The following ZNF423 variants were observed in gnomAD, a reference collection of about 807,000 sequenced individuals.
The protein encoded by ZNF423 is zinc finger protein 423, also known as Ebf-associated zinc finger protein.
Under a neutral mutation model 95.8 loss-of-function variants are expected in ZNF423, and 12 were observed. The observed-to-expected ratio is 0.13, with a 90% confidence interval of 0.08 to 0.20. The LOEUF is 0.20. Among genes scored for constraint, ZNF423 ranks in the 10% least tolerant of loss-of-function variants. The probability of loss-of-function intolerance (pLI) is 1.00; values close to 1 mark genes in which losing one functional copy is unlikely to be tolerated. For synonymous variants in ZNF423, 749 were observed against 711.9 expected, an observed-to-expected ratio of 1.05 and a Z score of -0.83; for missense variants, 1,316 against 1,737.1, an observed-to-expected ratio of 0.76 and a Z score of 4.31.
At position 49,790,998 on chromosome 16, in the gene ZNF423, A is replaced by G. The variant is rs17211126; in HGVS notation, c.41-1452T>C. ...AGTCCTGCTCTACGTGGTGCTCTACATGGTGCAATCTACCCCCTTGACTAT... is the reference window on the plus strand; with the variant it reads ...AGTCCTGCTCTACGTGGTGCTCTACGTGGTGCAATCTACCCCCTTGACTAT... On this transcript the variant is annotated intron_variant, in intron 1 of 7. Coordinates refer to ENST00000563137, the MANE Select transcript of ZNF423 (RefSeq NM_001379286.1). Among the ~76,000 whole-genome samples, 1,399 of 152,272 alleles carry G rather than the reference A, an allele frequency of 9.2e-3. 7 individuals are homozygous for G. Among genetic ancestry groups the G allele is most frequent in the Non-Finnish European group, 0.015 (1,028 of 68,018 alleles).
chr16:49,537,601 G>A (rs1969098990), intron 5 of ZNF423, among the ~76,000 whole-genome samples: 1 of 152,192 alleles, frequency 6.6e-6, no homozygotes. Flanking sequence ...TCTTTCTTCA[G>A]TTCGGCTGAA....
At chr16:49,782,694 C>A (rs1358411213) in intron 2 of ZNF423, among the ~76,000 whole-genome samples, 1 of 152,228 alleles carries the variant, frequency 6.6e-6, no homozygotes, top group Non-Finnish European at 1.5e-5. Context: ...CTGCCTCTCC[C>A]TGCTGCTGTT....
At chr16:49,791,014 C>G (rs757137388) in intron 1 of ZNF423, among the ~76,000 whole-genome samples, 22 of 152,096 alleles carry the variant, frequency 1.4e-4, no homozygotes, top group South Asian at 6.2e-4. Context: ...CAATCTACCC[C>G]CTTGACTATG....
chr16:49,656,896 G>T (rs80238211), intron 3 of ZNF423, among the ~76,000 whole-genome samples: 5,699 of 152,294 alleles, frequency 0.037, 150 homozygotes, highest in Middle Eastern at 0.055. Context: ...GCTTATAAAG[G>T]TTAATTGACA....
At chr16:49,698,275 A>C (rs2151952354) in intron 3 of ZNF423, among the ~76,000 whole-genome samples, 1 of 150,972 alleles carries the variant, frequency 6.6e-6, no homozygotes, top group East Asian at 2.0e-4. Context: ...CGAAGCAAGG[A>C]GGGCATGTGC....
At chr16:49,751,120 G>A (rs901454130) in intron 2 of ZNF423, among the ~76,000 whole-genome samples, 4 of 152,210 alleles carry the variant, frequency 2.6e-5, no homozygotes, top group Admixed American at 6.5e-5. Flanking sequence ...AGGCACACAT[G>A]GGAACTCCAG....
intron 5 of ZNF423, among the ~76,000 whole-genome samples, chr16:49,577,814 A>T (rs1970544679): frequency 2.6e-5 from 4 of 152,224 alleles, no homozygotes; most frequent in Admixed American, 2.6e-4. Flanking sequence ...ATGCAGGTGC[A>T]AGAGGCCTCT....
At chr16:49,661,385 C>T (rs972347178) in intron 3 of ZNF423, among the ~76,000 whole-genome samples, 1 of 152,172 alleles carries the variant, frequency 6.6e-6, no homozygotes, top group African/African-American at 2.4e-5. Flanking sequence ...TGTGTCTTCC[C>T]CACCAGGGGG....
intron 3 of ZNF423, among the ~76,000 whole-genome samples, chr16:49,715,906 G>T (rs1336765292): frequency 6.6e-6 from 1 of 151,972 alleles, no homozygotes; most frequent in African/African-American, 2.4e-5. Flanking sequence ...GGCACAGTGG[G>T]GCATGGTGGT....
intron 3 of ZNF423, among the ~76,000 whole-genome samples, chr16:49,676,576 G>A (rs1022737997): frequency 1.3e-5 from 2 of 152,090 alleles, no homozygotes; most frequent in Non-Finnish European, 2.9e-5. Flanking sequence ...CAGGTCCACC[G>A]AGACCACCTT....
intron 3 of ZNF423, among the ~76,000 whole-genome samples, chr16:49,696,531 G>A (rs575713202): frequency 6.6e-6 from 1 of 152,278 alleles, no homozygotes; most frequent in South Asian, 2.1e-4. Context: ...TTTGGGAGAA[G>A]GAGGCCCAGG....
At chr16:49,663,130 C>T (rs1382487127) in intron 3 of ZNF423, among the ~76,000 whole-genome samples, 1 of 152,180 alleles carries the variant, frequency 6.6e-6, no homozygotes, top group African/African-American at 2.4e-5. Context: ...CATTCCTCTC[C>T]ACCCCATCGC....
rs567135620 is a variant in ZNF423, at chr16:49,659,087, TG to T, written c.302-20214del. On this transcript the variant is annotated intron_variant, in intron 3 of 7. Coordinates refer to ENST00000563137, the MANE Select transcript of ZNF423 (RefSeq NM_001379286.1). Reference sequence around the variant, plus strand: ...ATGTTTTACTTGTTTTAGCGGGGGGTGGTTTGGGTTTTTAAATTTGAAATAG... The same window carrying T: ...ATGTTTTACTTGTTTTAGCGGGGGGTGTTTGGGTTTTTAAATTTGAAATAG... Among the ~76,000 whole-genome samples the T allele has an allele frequency of 9.2e-5, 14 of 151,938 alleles. 1 individual carries two copies. In the East Asian group the frequency reaches 2.7e-3, roughly 29 times the overall value.
At chr16:49,496,818 AG>A (rs2151650647) in intron 7 of ZNF423, among the ~76,000 whole-genome samples, 2 of 152,252 alleles carry the variant, frequency 1.3e-5, no homozygotes, top group South Asian at 4.2e-4. Flanking sequence ...CTGACCTGGC[AG>A]GGTGCTCCAC....
chr16:49,721,405 A>G (rs992159227), intron 3 of ZNF423, among the ~76,000 whole-genome samples: 1 of 151,946 alleles, frequency 6.6e-6, no homozygotes, highest in Admixed American at 6.6e-5. Flanking sequence ...CCCTCTGGAA[A>G]CTCCCAAGAT....
chr16:49,744,987 C>G (rs2033492307), intron 2 of ZNF423, among the ~76,000 whole-genome samples: 1 of 152,190 alleles, frequency 6.6e-6, no homozygotes, highest in Admixed American at 6.5e-5. Context: ...CCGCAAATGT[C>G]TCCTATCAGA....
intron 1 of ZNF423, among the ~76,000 whole-genome samples, chr16:49,823,913 T>G (rs889024034): frequency 1.3e-5 from 2 of 151,872 alleles, no homozygotes; most frequent in Non-Finnish European, 2.9e-5. Flanking sequence ...CTGGGCAATA[T>G]AGTGAGACCT....
chr16:49,617,280 C>G lies in ZNF423; in HGVS notation c.3601+8890G>C, dbSNP rs1017348782. Among the ~76,000 whole-genome samples, 5 of 152,216 alleles carry G rather than the reference C, an allele frequency of 3.3e-5. No individual in the cohort carries two copies. In the East Asian group the frequency reaches 9.6e-4, roughly 29 times the overall value. ...GCCAGGTCTGAGGCTCTGAAGCCCA[C>G]TGGGTGCTCAGGACAGAGGGGACCA... is the stretch of plus-strand genomic sequence containing the variant. On this transcript the variant is annotated intron_variant, in intron 5 of 7. Coordinates refer to ENST00000563137, the MANE Select transcript of ZNF423 (RefSeq NM_001379286.1).
chr16:49,793,986 A>T (rs1382664408), intron 1 of ZNF423, among the ~76,000 whole-genome samples: 1 of 151,720 alleles, frequency 6.6e-6, no homozygotes, highest in African/African-American at 2.4e-5. Flanking sequence ...AAGATCTGTT[A>T]CCTACTTAAG....
Sources: gnomAD v4.1 joint callset for allele counts (sites outside exome capture counted in the v4.1 genomes callset) on GRCh38, gnomAD v4.1.1 for gene constraint, MANE v1.5 for transcripts, NCBI Gene and HGNC (gene_info 2026-07-23, HGNC 2026-07-21) for gene names.